The following TGS1 variants were observed in gnomAD, a reference collection of about 807,000 sequenced individuals.
TGS1 encodes trimethylguanosine synthase 1.
A neutral mutation model predicts 92.2 loss-of-function variants in TGS1; 69 were observed. The ratio of observed to expected loss-of-function variants is 0.75; its 90% CI spans 0.62 to 0.91. The LOEUF (loss-of-function observed/expected upper bound fraction) is 0.91. TGS1 is among the 40% of genes least tolerant of loss of function. The pLI is 0.00. For missense variants in TGS1, 1,062 were observed against 1,001.2 expected, an observed-to-expected ratio of 1.06 and a Z score of -0.82; for synonymous variants, 345 against 338.1, an observed-to-expected ratio of 1.02 and a Z score of -0.22.
chr8:55,821,764 T>G (rs1803643726), intron 12 of TGS1, among the ~76,000 whole-genome samples: 1 of 151,818 alleles, frequency 6.6e-6, no homozygotes, highest in South Asian at 2.1e-4. Flanking sequence ...TCCCAGCTAC[T>G]CGGGAGGCTG....
Position 55,825,481 on chromosome 8 carries a change from A to G in TGS1, c.*778A>G, listed in dbSNP as rs1222467717. 1 of 152,242 alleles carries G rather than the reference A, an allele frequency of 6.6e-6. No individual in the cohort carries two copies. Among genetic ancestry groups the G allele is most frequent in the Non-Finnish European group, 1.5e-5 (1 of 68,044 alleles). 9.4% of individuals were successfully genotyped at this position (152,242 alleles called of 1,614,324 possible). A position where few individuals can be genotyped will look rare whatever the true frequency, so the allele number is the denominator to read the frequency against. On this transcript the variant is annotated 3_prime_UTR_variant, in exon 13 of 13. Transcript: ENST00000260129. ...GTGTTGCTTAATTATTCATCTAAAA[A>G]GTTTGTTCAGTCATTTTTACAAGTA...
At chr8:55,805,324 CAAAA>C (rs530960573) in intron 10 of TGS1, among the ~76,000 whole-genome samples, 2 of 150,792 alleles carry the variant, frequency 1.3e-5, no homozygotes, top group African/African-American at 2.4e-5. Context: ...AGATTTGTGA[CAAAA>C]AAAAGAAACT....
chr8:55,799,200 C>T lies in TGS1; in HGVS notation c.1829C>T (p.Ser610Phe), dbSNP rs913963281. The T allele has an allele frequency of 7.5e-6, 12 of 1,609,962 alleles. No individual in the cohort carries two copies. The highest frequency in any genetic ancestry group is 6.8e-6 in the Non-Finnish European group (8 of 1,178,302). Residue 610 changes from serine (S) to phenylalanine (F), a missense_variant, in exon 8 of 13, where the codon TCC becomes TTC. Ser to Phe is a radical substitution (Grantham distance 155). Transcript: ENST00000260129. ...QDCVTQEVPD[S>F]RQAETEAEVK... ...TGTGTTACTCAAGAAGTGCCAGACT[C>T]CCGCCAGGCAGAAACTGAAGGTAAC...
intron 1 of TGS1, among the ~76,000 whole-genome samples, chr8:55,782,211 T>C (rs1182587743): frequency 6.6e-6 from 1 of 152,012 alleles, no homozygotes; most frequent in African/African-American, 2.4e-5. Context: ...GATAGATTTT[T>C]GCTCTTGTCG....
Position 55,785,844 on chromosome 8 carries a change from G to T in TGS1, c.292G>T (p.Gly98Ter), listed in dbSNP as rs1383810215. The change falls in exon 3 of 13, where the codon GGA becomes TGA. Residue 98 changes from glycine (G) to a stop codon, truncating the protein, a stop_gained. Transcript: ENST00000260129. LOFTEE classifies it high-confidence loss of function. ...TGAGGCTGAACTCATGAGAAGTATG[G>T]GATTGCCACTTCAATTTGGTAGGAT... Reference protein sequence around the residue: ...DSEAELMRSMGLPLQFGRITA... With the variant: ...DSEAELMRSM 2.5e-6 allele frequency: 4 copies of T among 1,613,312 alleles called. No homozygotes were observed. In the African/African-American group the frequency reaches 5.3e-5, roughly 22 times the overall value.
At chr8:55,801,712 CCAAGTAG>C (rs542588862) in intron 8 of TGS1, among the ~76,000 whole-genome samples, 163 of 150,368 alleles carry the variant, frequency 1.1e-3, no homozygotes, top group African/African-American at 3.9e-3. Flanking sequence ...TCTCAGCCTC[CCAAGTAG>C]CTGGGATTAC....
chr8:55,787,036 A>T lies in TGS1; in HGVS notation c.1138A>T (p.Thr380Ser). The T allele has an allele frequency of 6.2e-7, 1 of 1,612,500 alleles. No individual in the cohort carries two copies. The highest frequency in any genetic ancestry group is 1.1e-5 in the South Asian group (1 of 90,716). Residue 380 changes from threonine to serine, a missense_variant, in exon 4 of 13, where the codon ACA becomes TCA. Coordinates refer to ENST00000260129, the MANE Select transcript of TGS1 (RefSeq NM_024831.8). ...TGAGGAAAGCAACTCATCGGGGAAT[A>T]CAAACACAGACCCACCAGCTGAGGG... ...TNEESNSSGN[T>S]NTDPPAEDSQ...
rs531238876 is a variant in TGS1 at position 55,808,033 on chromosome 8, C to G, written c.2144-2848C>G. Among the ~76,000 whole-genome samples the G allele has an allele frequency of 5.3e-5, 8 of 152,286 alleles. No homozygotes were observed. The South Asian group carries it at 1.7e-3, about 32-fold the overall frequency. The stretch of plus-strand genomic sequence containing the variant: ...AGAAAAAACAGACTCAGTCCTTGCT[C>G]GGTCTAGTCAGAGAAACTGACTTTA... On this transcript the variant is annotated intron_variant, in intron 10 of 12. Transcript: ENST00000260129.
At chr8:55,811,507 A>G (rs574288155) in intron 11 of TGS1, among the ~76,000 whole-genome samples, 52 of 150,808 alleles carry the variant, frequency 3.4e-4, no homozygotes, top group African/African-American at 1.2e-3. Flanking sequence ...CACACCTGTA[A>G]TCCCAGCACT....
chr8:55,798,765 C>T, intron 7 of TGS1, 149 bp from the exon 8 acceptor site: 1 of 623,028 alleles, frequency 1.6e-6, no homozygotes, highest in Non-Finnish European at 2.7e-6. Flanking sequence ...GTCAGAATTA[C>T]TTACTATTAA....
intron 12 of TGS1, among the ~76,000 whole-genome samples, chr8:55,818,894 G>C (rs921533972): frequency 6.6e-6 from 1 of 152,220 alleles, no homozygotes; most frequent in Non-Finnish European, 1.5e-5. Context: ...CTGGTTCTGA[G>C]AATGAGTGAA....
At chr8:55,779,783 A>T (rs1585753448) in intron 1 of TGS1, among the ~76,000 whole-genome samples, 1 of 152,314 alleles carries the variant, frequency 6.6e-6, no homozygotes, top group South Asian at 2.1e-4. Context: ...CTATTTAATG[A>T]CCATCTTATC....
At position 55,786,492 on chromosome 8, in the gene TGS1, G is replaced by A; in HGVS notation, c.594G>A (p.Trp198Ter). The A allele has an allele frequency of 6.2e-7, 1 of 1,614,086 alleles. No individual in the cohort carries two copies. Among genetic ancestry groups the A allele is most frequent in the Non-Finnish European group, 8.5e-7 (1 of 1,180,008 alleles). Residue 198 changes from tryptophan (W) to a stop codon, truncating the protein, a stop_gained, in exon 4 of 13, where the codon TGG becomes TGA. Transcript: ENST00000260129. LOFTEE classifies it high-confidence loss of function. ...CAAAGCTAGAAATTACAGAGAAATG[G>A]GAAAAGTATTGGAATGAATATGGAG... ...LSPKLEITEK[W>*]EKYWNEYGGG... is the part of the protein sequence containing the mutation.
At chr8:55,823,488 C>A (rs756396492) in intron 12 of TGS1, among the ~76,000 whole-genome samples, 35 of 152,118 alleles carry the variant, frequency 2.3e-4, no homozygotes, top group Non-Finnish European at 4.3e-4. Context: ...ATTTTTACCA[C>A]AATTGTTGTA....
At position 55,786,506 on chromosome 8, in the gene TGS1, A is replaced by G. The variant is rs369647656; in HGVS notation, c.608A>G (p.Asn203Ser). ...EITEKWEKYW[N>S]EYGGGLLWQS... ...ACAGAGAAATGGGAAAAGTATTGGAATGAATATGGAGGAGGACTATTGTGG... is the reference window on the plus strand; with the variant it reads ...ACAGAGAAATGGGAAAAGTATTGGAGTGAATATGGAGGAGGACTATTGTGG... The change falls in exon 4 of 13, where the codon AAT becomes AGT. Residue 203 changes from asparagine (N) to serine (S), a missense_variant. Transcript: ENST00000260129. 1.7e-5 allele frequency: 28 copies of G among 1,614,076 alleles called. No individual in the cohort carries two copies. In the African/African-American group the frequency reaches 3.3e-4, roughly 19 times the overall value.
chr8:55,780,885 A>C (rs1364567806), intron 1 of TGS1, among the ~76,000 whole-genome samples: 1 of 152,194 alleles, frequency 6.6e-6, no homozygotes, highest in Non-Finnish European at 1.5e-5. Flanking sequence ...CAGAGTTCCC[A>C]GTGGGGAACT....
Position 55,785,891 on chromosome 8 carries a change from G to T in TGS1, c.339G>T (p.Glu113Asp). The stretch of plus-strand genomic sequence containing the variant: ...GGATAACTGCACATAAGGATTTTGA[G>T]GTAAATATTAATTTACTTTTATTAT... ...FGRITAHKDF[E>D]VSMNTRNKVK... The change falls in exon 3 of 13, where the codon GAG (glutamate) becomes GAT (aspartate). Residue 113 changes from glutamate (E) to aspartate (D), a missense_variant and splice_region_variant. Physicochemically the swap from Glu to Asp is conservative, Grantham distance 45. Transcript: ENST00000260129. The T allele has an allele frequency of 6.3e-7, 1 of 1,580,570 alleles. No homozygotes were observed. Among genetic ancestry groups the T allele is most frequent in the South Asian group, 1.2e-5 (1 of 85,528 alleles).
Position 55,785,699 on chromosome 8 carries a change from CT to C in TGS1, c.167-19del. ...CTCTTAAGTTTTCCTTAAAACTAAG[CT>C]AATAAATGGTGTCTATAGGAGACCA... On this transcript the variant is annotated intron_variant, in intron 2 of 12. Coordinates refer to ENST00000260129, the MANE Select transcript of TGS1 (RefSeq NM_024831.8). The C allele has an allele frequency of 1.3e-6, 2 of 1,493,192 alleles. No homozygotes were observed. The highest frequency in any genetic ancestry group is 2.8e-5 in the South Asian group (2 of 72,718). The allele number at this position is 1,493,192 out of a possible 1,614,324, so 92.5% of individuals were successfully genotyped here.
intron 7 of TGS1, 65 bp downstream of exon 7, chr8:55,796,217 ATTG>A (rs1812045838): frequency 7.9e-7 from 1 of 1,262,456 alleles, no homozygotes; most frequent in East Asian, 2.4e-5. Context: ...ACCTCTTAAA[ATTG>A]TTGTATTCAA....
Sources: allele counts gnomAD v4.1 joint callset (sites outside exome capture counted in the v4.1 genomes callset), GRCh38; gene constraint gnomAD v4.1.1; transcripts MANE v1.5; gene names NCBI Gene and HGNC (gene_info 2026-07-23, HGNC 2026-07-21).